Variants in ABCB11 observed in about 807,000 individuals in gnomAD.
ABCB11 encodes the protein bile salt export pump.
Under a neutral mutation model 148.0 loss-of-function variants are expected in ABCB11, and 95 were observed. The ratio of observed to expected loss-of-function variants is 0.64; its 90% confidence interval spans 0.54 to 0.76. ABCB11 has a LOEUF of 0.76. ABCB11 is among the 30% of genes least tolerant of loss of function. ABCB11 has a pLI of 0.00. For missense variants in ABCB11, 1,523 were observed against 1,617.8 expected (o/e 0.94, Z 1.01); for synonymous variants, 591 against 555.4 (o/e 1.06, Z -0.90).
At chr2:168,968,243 T>C (rs1693402930) in intron 17 of ABCB11, among the ~76,000 whole-genome samples, 184 bp downstream of exon 17, 1 of 143,644 alleles carries the variant, frequency 7.0e-6, no homozygotes, top group South Asian at 2.2e-4. Flanking sequence ...CAAAAACCCA[T>C]GAATTGGGGA....
intron 1 of ABCB11, among the ~76,000 whole-genome samples, chr2:169,020,528 C>T (rs914299108): frequency 2.2e-4 from 34 of 152,026 alleles, no homozygotes; most frequent in Admixed American, 1.3e-3. Context: ...ATAGTCCAAA[C>T]GGTTCAGTAA....
Position 169,016,796 on chromosome 2 carries a change from T to C in ABCB11, c.80A>G (p.Asn27Ser). ...CACTTACCTTGATTTCTTATCATTATTATCTGTCAGAAAAAAAAATCAACG... is the reference window on the plus strand; with the variant it reads ...CACTTACCTTGATTTCTTATCATTACTATCTGTCAGAAAAAAAAATCAACG... ...NDGFESDKSY[N>S]NDKKSRLQDE... Residue 27 changes from asparagine to serine, a missense_variant, in exon 3 of 28, where the codon AAT becomes AGT. Physicochemically the swap from Asn to Ser is conservative, Grantham distance 46 (BLOSUM62 1). Transcript: ENST00000650372. 1.3e-6 allele frequency: 2 copies of C among 1,593,450 alleles called. No individual in the cohort carries two copies. The highest frequency in any genetic ancestry group is 8.6e-7 in the Non-Finnish European group (1 of 1,169,026).
At chr2:168,985,650 G>C (rs1694293379) in intron 10 of ABCB11, among the ~76,000 whole-genome samples, 1 of 152,060 alleles carries the variant, frequency 6.6e-6, no homozygotes, top group African/African-American at 2.4e-5. Flanking sequence ...CAGCAACCTG[G>C]ATGGGATTGG....
chr2:168,959,806 G>A (rs1220568277), intron 18 of ABCB11, among the ~76,000 whole-genome samples: 1 of 151,336 alleles, frequency 6.6e-6, no homozygotes, highest in Non-Finnish European at 1.5e-5. Flanking sequence ...GCATTGCCTT[G>A]TGGGAACTGG....
In ABCB11 at chr2:169,014,334, C is replaced by G; in HGVS notation, c.119G>C (p.Gly40Ala). 6.2e-7 allele frequency: 1 copy of G among 1,613,376 alleles called. No individual in the cohort carries two copies. The highest frequency in any genetic ancestry group is 8.5e-7 in the Non-Finnish European group (1 of 1,179,532). The stretch of plus-strand genomic sequence containing the variant: ...AAAGAAGCCAACTCTAACGCCATCA[C>G]CTTTCTTCTCATCTTGTAACCTGAT... ...KKSRLQDEKKGDGVRVGFFQL... is the reference protein window; with the variant it reads ...KKSRLQDEKKADGVRVGFFQL... Residue 40 changes from glycine to alanine, a missense_variant, in exon 4 of 28, where the codon GGT (glycine) becomes GCT (alanine). Gly to Ala is a moderately conservative substitution (Grantham distance 60). Coordinates refer to ENST00000650372, the MANE Select transcript of ABCB11 (RefSeq NM_003742.4).
At chr2:168,970,375 T>C in intron 14 of ABCB11, 160 bp from the exon 15 acceptor site, 1 of 1,515,812 alleles carries the variant, frequency 6.6e-7, no homozygotes, top group Non-Finnish European at 8.9e-7. Context: ...GACGGGTTAT[T>C]GTCTAATCAA....
chr2:168,962,156 C>A (rs141610991), intron 18 of ABCB11, among the ~76,000 whole-genome samples: 3 of 151,742 alleles, frequency 2.0e-5, no homozygotes, highest in Non-Finnish European at 3.0e-5. Flanking sequence ...TATTATGAGA[C>A]CTTTTCCCCT....
chr2:169,000,872 T>C (rs1694850166), intron 5 of ABCB11, among the ~76,000 whole-genome samples: 1 of 152,188 alleles, frequency 6.6e-6, no homozygotes, highest in Non-Finnish European at 1.5e-5. Context: ...TTGTTTTCTA[T>C]TTGTTCTCTC....
At chr2:168,962,437 G>A (rs191249581) in intron 18 of ABCB11, among the ~76,000 whole-genome samples, 2 of 151,684 alleles carry the variant, frequency 1.3e-5, no homozygotes, top group East Asian at 2.0e-4. Flanking sequence ...CCTGCATCAA[G>A]AGAACTCTAT....
At chr2:169,012,180 C>T (rs1695206919) in intron 5 of ABCB11, among the ~76,000 whole-genome samples, 1 of 152,086 alleles carries the variant, frequency 6.6e-6, no homozygotes, top group African/African-American at 2.4e-5. Flanking sequence ...CTATAAATTC[C>T]TCTGAGGGAG....
intron 22 of ABCB11, 121 bp from the exon 23 acceptor site, chr2:168,935,546 A>T (rs1366982927): frequency 7.7e-7 from 1 of 1,296,680 alleles, no homozygotes; most frequent in South Asian, 1.6e-5. Flanking sequence ...CAGAGAATGC[A>T]TCATCTGGGA....
chr2:168,947,941 C>CT lies in ABCB11; in HGVS notation c.2344-2981dup, dbSNP rs4148800. Among the ~76,000 whole-genome samples, 998 of 146,336 alleles carry CT rather than the reference C, an allele frequency of 6.8e-3. 9 individuals are homozygous for CT. The highest frequency in any genetic ancestry group is 0.022 in the African/African-American group (889 of 40,096). ...AAGGACAGCAATTATAGTTGAATCT[C>CT]TTTTTTTTTTTAACTTAGCCATTTC... is the stretch of plus-strand genomic sequence containing the variant. On this transcript the variant is annotated intron_variant, in intron 19 of 27. Coordinates refer to ENST00000650372, the MANE Select transcript of ABCB11 (RefSeq NM_003742.4).
At chr2:168,963,613 T>C (rs1247425858) in intron 18 of ABCB11, among the ~76,000 whole-genome samples, 1 of 151,816 alleles carries the variant, frequency 6.6e-6, no homozygotes, top group Admixed American at 6.6e-5. Context: ...TTTAATTTTA[T>C]GCTACCTTGA....
chr2:168,995,454 C>T lies in ABCB11; in HGVS notation c.506G>A (p.Arg169His), dbSNP rs200870815. The change falls in exon 7 of 28, where the codon CGT becomes CAT. Residue 169 changes from arginine (R) to histidine (H), a missense_variant. Physicochemically the swap from Arg to His is conservative, Grantham distance 29. Transcript: ENST00000650372. ...AAATTTTCTCATTTTCTGTATCTGA[C>T]GAGCTGCGGCAATGACCCAAAAGCA... ...QICFWVIAAARQIQKMRKFYF... is the reference protein window; with the variant it reads ...QICFWVIAAAHQIQKMRKFYF... The T allele has an allele frequency of 4.8e-5, 77 of 1,611,660 alleles. No individual in the cohort carries two copies. The African/African-American group carries it at 6.2e-4, about 13-fold the overall frequency.
chr2:168,981,454 A>G (rs547822709), intron 10 of ABCB11, among the ~76,000 whole-genome samples: 23 of 152,280 alleles, frequency 1.5e-4, no homozygotes, highest in African/African-American at 5.5e-4. Flanking sequence ...AGGGATAATG[A>G]TAGCATATAT....
rs377240498 is a variant in ABCB11 at position 168,944,688 on chromosome 2, C to G, written c.2527G>C (p.Asp843His). Residue 843 changes from aspartate to histidine, a missense_variant, in exon 21 of 28, where the codon GAT becomes CAT. Asp to His is a moderately conservative substitution (Grantham distance 81). Transcript: ENST00000650372. ...KFGFRAMLGQ[D>H]IAWFDDLRNS... Reference sequence around the variant, plus strand: ...CTGAGGTCATCAAACCAGGCAATATCTTGCCCCAGCATTGCCCTGAAACCA... The same window carrying G: ...CTGAGGTCATCAAACCAGGCAATATGTTGCCCCAGCATTGCCCTGAAACCA... 2.7e-5 allele frequency: 43 copies of G among 1,612,800 alleles called. No individual in the cohort carries two copies. The highest frequency in any genetic ancestry group is 3.2e-5 in the Non-Finnish European group (38 of 1,179,256).
At chr2:168,919,650 G>T (rs1277655605), downstream of ABCB11, among the ~76,000 whole-genome samples, 5 of 150,998 alleles carry the variant, frequency 3.3e-5, no homozygotes, top group East Asian at 9.7e-4. Flanking sequence ...GCCCCCTTTT[G>T]TGGCTTTCTG....
intron 1 of ABCB11, among the ~76,000 whole-genome samples, chr2:169,022,917 CATT>C (rs1374491160): frequency 6.6e-6 from 1 of 151,804 alleles, no homozygotes; most frequent in African/African-American, 2.4e-5. Context: ...CAGTAAAAAT[CATT>C]ATCCATTCCT....
intron 23 of ABCB11, 133 bp from the exon 24 acceptor site, chr2:168,932,666 A>T (rs1691628222): frequency 1.8e-6 from 2 of 1,102,728 alleles, no homozygotes; most frequent in Admixed American, 2.7e-5. Context: ...GTCACTTCAG[A>T]CTTGTCTGGA....
Sources: gnomAD v4.1 joint callset for allele counts (sites outside exome capture counted in the v4.1 genomes callset) on GRCh38, gnomAD v4.1.1 for gene constraint, MANE v1.5 for transcripts, NCBI Gene and HGNC (gene_info 2026-07-23, HGNC 2026-07-21) for gene names.